Variants in RNF149 observed in about 807,000 individuals in gnomAD.
The protein encoded by RNF149 is E3 ubiquitin-protein ligase RNF149.
In RNF149, 21 loss-of-function variants were observed where a neutral mutation model predicts 39.0. That is an observed-to-expected ratio of 0.54 (90% CI 0.38 to 0.77). RNF149 has a LOEUF of 0.77. RNF149 is among the 30% of genes least tolerant of loss of function. The pLI is 0.00. For missense variants in RNF149, 493 were observed against 534.9 expected (o/e 0.92, Z 0.77); for synonymous variants, 209 against 213.6 (o/e 0.98, Z 0.19).
At chr2:101,306,617 C>T (rs1573271324) in intron 1 of RNF149, among the ~76,000 whole-genome samples, 1 of 152,138 alleles carries the variant, frequency 6.6e-6, no homozygotes, top group Admixed American at 6.5e-5. Context: ...GGAAGACTCT[C>T]GCAGATCACT....
chr2:101,275,175 T>C (rs550376181), downstream of RNF149, among the ~76,000 whole-genome samples: 2 of 126,834 alleles, frequency 1.6e-5, no homozygotes, highest in East Asian at 5.1e-4. Context: ...TGGAGTGCAG[T>C]AGCGCAATCT....
intron 1 of RNF149, among the ~76,000 whole-genome samples, chr2:101,305,201 GA>G (rs1326850362): frequency 1.3e-5 from 2 of 152,086 alleles, no homozygotes; most frequent in Non-Finnish European, 2.9e-5. Flanking sequence ...GTGTTACACA[GA>G]ACAGTGAGAA....
intron 6 of RNF149, among the ~76,000 whole-genome samples, chr2:101,278,610 T>C (rs1682442942): frequency 6.6e-6 from 1 of 152,210 alleles, no homozygotes; most frequent in Admixed American, 6.5e-5. Flanking sequence ...GAAACATGTA[T>C]ACATTGTGGA....
In RNF149 at chr2:101,276,218, G is replaced by A. The variant is rs1379282567; in HGVS notation, c.*1020C>T. Reference sequence around the variant, plus strand: ...TACTCGACTTCTACCTCCAAGAAGTGAAAAAATAGCAGAGTGTGTGTTTAA... The same window carrying A: ...TACTCGACTTCTACCTCCAAGAAGTAAAAAAATAGCAGAGTGTGTGTTTAA... On this transcript the variant is annotated 3_prime_UTR_variant, in exon 7 of 7. Coordinates refer to ENST00000295317, the MANE Select transcript of RNF149 (RefSeq NM_173647.4). The A allele has an allele frequency of 3.1e-5, 31 of 985,076 alleles. No homozygotes were observed. The highest frequency in any genetic ancestry group is 3.7e-5 in the Non-Finnish European group (31 of 829,810). 61.0% of individuals were successfully genotyped at this position (985,076 alleles called of 1,614,324 possible). A position where few individuals can be genotyped will look rare whatever the true frequency, so the allele number is the denominator to read the frequency against.
chr2:101,301,238 G>GTT (rs66471016), intron 1 of RNF149, among the ~76,000 whole-genome samples: 65 of 148,936 alleles, frequency 4.4e-4, no homozygotes, highest in Admixed American at 4.7e-4. Context: ...GGCAATTTCT[G>GTT]TTTTTTTTTT....
chr2:101,282,500 C>T (rs1460331071), intron 5 of RNF149, among the ~76,000 whole-genome samples: 1 of 152,132 alleles, frequency 6.6e-6, no homozygotes, highest in African/African-American at 2.4e-5. Flanking sequence ...AAAAGTTACT[C>T]TGGCTCCTTC....
rs1682317491 is a variant in RNF149 at position 101,275,647 on chromosome 2, T to C, written c.*1591A>G. On this transcript the variant is annotated 3_prime_UTR_variant, in exon 7 of 7. Coordinates refer to ENST00000295317, the MANE Select transcript of RNF149 (RefSeq NM_173647.4). The stretch of plus-strand genomic sequence containing the variant: ...TAGTAGAGACGGGGTTTCACCGTTT[T>C]AGCCGGGATGGTCTCGATCTCCTGA... 5.7e-6 allele frequency: 1 copy of C among 175,428 alleles called. No individual in the cohort carries two copies. Among genetic ancestry groups the C allele is most frequent in the East Asian group, 1.9e-4 (1 of 5,138 alleles). The allele number at this position is 175,428 out of a possible 1,614,324, so 10.9% of individuals were successfully genotyped here.
In RNF149 at chr2:101,275,986, G is replaced by A. The variant is rs1461437922; in HGVS notation, c.*1252C>T. 2 of 945,130 alleles carry A rather than the reference G, an allele frequency of 2.1e-6. No individual in the cohort carries two copies. The highest frequency in any genetic ancestry group is 2.5e-6 in the Non-Finnish European group (2 of 793,468). The allele number at this position is 945,130 out of a possible 1,614,324, so 58.5% of individuals were successfully genotyped here. A position where few individuals can be genotyped will look rare whatever the true frequency, so the allele number is the denominator to read the frequency against. On this transcript the variant is annotated 3_prime_UTR_variant, in exon 7 of 7. Coordinates refer to ENST00000295317, the MANE Select transcript of RNF149 (RefSeq NM_173647.4). Reference sequence around the variant, plus strand: ...TCAGTAAAACTGTTTACTATTTCATGATGAGTAGCTAGAATTAAAGCATTA... The same window carrying A: ...TCAGTAAAACTGTTTACTATTTCATAATGAGTAGCTAGAATTAAAGCATTA...
chr2:101,290,154 T>C (rs1397565266), intron 3 of RNF149, among the ~76,000 whole-genome samples: 1 of 152,222 alleles, frequency 6.6e-6, no homozygotes, highest in Admixed American at 6.5e-5. Flanking sequence ...CCCTCCACCC[T>C]GGTGACACAG....
intron 3 of RNF149, 131 bp downstream of exon 3, chr2:101,293,883 C>A: frequency 1.8e-6 from 1 of 570,202 alleles, no homozygotes; most frequent in Non-Finnish European, 3.2e-6. Flanking sequence ...TAGTGGCTAC[C>A]ATATTAATGC....
intron 1 of RNF149, among the ~76,000 whole-genome samples, chr2:101,303,350 C>T (rs1303043560): frequency 6.6e-6 from 1 of 150,894 alleles, no homozygotes; most frequent in African/African-American, 2.4e-5. Context: ...CAGTCTCGAA[C>T]TCCTGACCTC....
At chr2:101,282,132 G>C (rs953342725) in intron 5 of RNF149, 75 bp from the exon 6 acceptor site, 1 of 1,570,012 alleles carries the variant, frequency 6.4e-7, no homozygotes, top group East Asian at 2.3e-5. Context: ...CATCTGGCTC[G>C]TAATTCACAC....
chr2:101,291,829 G>T (rs1056487343), intron 3 of RNF149, among the ~76,000 whole-genome samples: 9 of 152,138 alleles, frequency 5.9e-5, no homozygotes, highest in African/African-American at 1.4e-4. Flanking sequence ...GTAGACTGAA[G>T]AAAACACATT....
rs1683124693 is a variant in RNF149 at position 101,294,067 on chromosome 2, T to TA, written c.726_727insT (p.Thr243TyrfsTer2). 6.4e-7 allele frequency: 1 copy of TA among 1,569,036 alleles called. No individual in the cohort carries two copies. Among genetic ancestry groups the TA allele is most frequent in the Non-Finnish European group, 8.8e-7 (1 of 1,140,602 alleles). The stretch of plus-strand genomic sequence containing the variant: ...AGAAGCTGGCCAATAACTTTCTTAG[T>TA]TTCTTTTCTATGGCTCTTGGGTAGG... On this transcript the variant is annotated frameshift_variant, in exon 3 of 7. Coordinates refer to ENST00000295317, the MANE Select transcript of RNF149 (RefSeq NM_173647.4). LOFTEE classifies it high-confidence loss of function.
chr2:101,276,483 T>C lies in RNF149; in HGVS notation c.*755A>G, dbSNP rs1269423278. 3.1e-5 allele frequency: 31 copies of C among 985,680 alleles called. No homozygotes were observed. The highest frequency in any genetic ancestry group is 3.6e-5 in the Non-Finnish European group (30 of 829,862). The allele number at this position is 985,680 out of a possible 1,614,324, so 61.1% of individuals were successfully genotyped here. On this transcript the variant is annotated 3_prime_UTR_variant, in exon 7 of 7. Transcript: ENST00000295317. Reference sequence around the variant, plus strand: ...TAACTGAAATCAATATAACAGATTCTGAGTCTGCCTACTCATTTTCCTTAA... The same window carrying C: ...TAACTGAAATCAATATAACAGATTCCGAGTCTGCCTACTCATTTTCCTTAA...
intron 5 of RNF149, 46 bp from the exon 6 acceptor site, chr2:101,282,103 A>G: frequency 6.2e-7 from 1 of 1,601,762 alleles, no homozygotes; most frequent in East Asian, 2.2e-5. Context: ...AGCTTAAAAC[A>G]TGATCAAAGC....
At position 101,276,411 on chromosome 2, in the gene RNF149, A is replaced by T. The variant is rs1682346031; in HGVS notation, c.*827T>A. The T allele has an allele frequency of 1.0e-6, 1 of 985,760 alleles. No individual in the cohort carries two copies. The highest frequency in any genetic ancestry group is 4.7e-5 in the South Asian group (1 of 21,292). 61.1% of individuals were successfully genotyped at this position (985,760 alleles called of 1,614,324 possible). On this transcript the variant is annotated 3_prime_UTR_variant, in exon 7 of 7. Coordinates refer to ENST00000295317, the MANE Select transcript of RNF149 (RefSeq NM_173647.4). ...TGGTTATTTCGAGTCAACAACAAAA[A>T]CTAAAATTCTACATCTTTCGCCCTT... is the stretch of plus-strand genomic sequence containing the variant.
intron 1 of RNF149, among the ~76,000 whole-genome samples, chr2:101,304,429 C>T (rs565508102): frequency 6.6e-6 from 1 of 152,178 alleles, no homozygotes; most frequent in East Asian, 1.9e-4. Flanking sequence ...AAAGCAAACC[C>T]TTTTCTTTAT....
downstream of RNF149, among the ~76,000 whole-genome samples, chr2:101,274,030 C>T (rs1281270520): frequency 2.7e-5 from 4 of 145,864 alleles, no homozygotes; most frequent in Non-Finnish European, 3.0e-5. Context: ...AAACAATTTA[C>T]CTTGGTCTGT....
Sources: gnomAD v4.1 joint callset for allele counts (sites outside exome capture counted in the v4.1 genomes callset) on GRCh38, gnomAD v4.1.1 for gene constraint, MANE v1.5 for transcripts, NCBI Gene and HGNC (gene_info 2026-07-23, HGNC 2026-07-21) for gene names.